CDK13: variants seen among roughly 807,000 people sequenced by gnomAD.
The protein encoded by CDK13 is cyclin dependent kinase 13.
CDK13 carries 40 observed loss-of-function variants against 137.6 expected under a neutral mutation model. The observed-to-expected ratio is 0.29, with a 90% CI of 0.23 to 0.38. The LOEUF is 0.38. CDK13 is among the 10% of genes least tolerant of loss of function. CDK13 has a pLI of 1.00. For missense variants in CDK13, 1,704 were observed against 1,951.8 expected, an observed-to-expected ratio of 0.87 and a Z score of 2.39; for synonymous variants, 869 against 760.1, an observed-to-expected ratio of 1.14 and a Z score of -2.36.
intron 5 of CDK13, among the ~76,000 whole-genome samples, chr7:40,016,636 A>G (rs2116383608): frequency 6.6e-6 from 1 of 152,312 alleles, no homozygotes; most frequent in Non-Finnish European, 1.5e-5. Context: ...GAACTGTGGC[A>G]TAACTTTTAA....
intron 5 of CDK13, among the ~76,000 whole-genome samples, chr7:40,030,261 G>GTA (rs1247848274): frequency 7.0e-6 from 1 of 143,320 alleles, no homozygotes; most frequent in Admixed American, 6.7e-5. Flanking sequence ...ATGTGTGTGT[G>GTA]TATATATATA....
chr7:40,016,433 A>G (rs969402221), intron 5 of CDK13, among the ~76,000 whole-genome samples: 1 of 152,186 alleles, frequency 6.6e-6, no homozygotes, highest in Non-Finnish European at 1.5e-5. Flanking sequence ...ACTAGATGTC[A>G]CTGTTACTAT....
rs138830961 is a variant in CDK13, at chr7:40,076,249, A to G, written c.2781-1756A>G. On this transcript the variant is annotated intron_variant, in intron 9 of 13. Transcript: ENST00000181839. ...TACAAAAACAAGAAATAGAAAAGAGACCTGTAAACAACTAAAATACAGAGC... is the reference window on the plus strand; with the variant it reads ...TACAAAAACAAGAAATAGAAAAGAGGCCTGTAAACAACTAAAATACAGAGC... 5.6e-4 allele frequency among the ~76,000 whole-genome samples: 85 copies of G among 152,332 alleles called. 1 individual carries two copies. Among genetic ancestry groups the G allele is most frequent in the African/African-American group, 2.0e-3 (82 of 41,580 alleles).
chr7:40,020,704 T>C (rs944717678), intron 5 of CDK13, among the ~76,000 whole-genome samples: 1 of 152,232 alleles, frequency 6.6e-6, no homozygotes, highest in African/African-American at 2.4e-5. Context: ...ATAAATATGC[T>C]TTTAATGGTA....
intron 2 of CDK13, among the ~76,000 whole-genome samples, chr7:39,995,860 A>T (rs983348667): frequency 1.3e-5 from 2 of 152,076 alleles, no homozygotes; most frequent in Admixed American, 1.3e-4. Flanking sequence ...ATACAAAAAA[A>T]TTAGCCGGGC....
intron 5 of CDK13, among the ~76,000 whole-genome samples, chr7:40,017,839 G>C (rs1785033696): frequency 6.6e-6 from 1 of 151,272 alleles, no homozygotes; most frequent in Non-Finnish European, 1.5e-5. Flanking sequence ...TTCTATTATA[G>C]TTTGAAAAAG....
At chr7:40,046,462 T>C (rs1187736214) in intron 6 of CDK13, among the ~76,000 whole-genome samples, 1 of 147,114 alleles carries the variant, frequency 6.8e-6, no homozygotes, top group African/African-American at 2.5e-5. Flanking sequence ...TGGCCAACGT[T>C]GATGAAACCC....
At position 39,997,634 on chromosome 7, in the gene CDK13, C is replaced by T; in HGVS notation, c.2012C>T (p.Ala671Val). Residue 671 changes from alanine to valine, a missense_variant, in exon 3 of 14, where the codon GCA (alanine) becomes GTA (valine). Physicochemically the swap from Ala to Val is moderately conservative, Grantham distance 64. This residue lies in a region of CDK13 where 1,051 missense variants were observed against 931.0 expected (regional missense o/e 1.13). Transcript: ENST00000181839. ...AAGAGTCCAGAGGAAAAGAAAACAGCAACACAGTTACATAGTAAAAGGAGG... is the reference window on the plus strand; with the variant it reads ...AAGAGTCCAGAGGAAAAGAAAACAGTAACACAGTTACATAGTAAAAGGAGG... ...LSKSPEEKKT[A>V]TQLHSKRRPK... is the part of the protein sequence containing the mutation. 1.9e-6 allele frequency: 3 copies of T among 1,613,648 alleles called. No individual in the cohort carries two copies. The highest frequency in any genetic ancestry group is 2.5e-6 in the Non-Finnish European group (3 of 1,179,814).
chr7:40,011,170 T>C (rs1384370177), intron 5 of CDK13, among the ~76,000 whole-genome samples: 1 of 152,186 alleles, frequency 6.6e-6, no homozygotes, highest in Non-Finnish European at 1.5e-5. Flanking sequence ...TCAAAGGAGC[T>C]AGAATAACCA....
At chr7:39,961,839 A>G (rs1783743452) in intron 1 of CDK13, among the ~76,000 whole-genome samples, 1 of 150,396 alleles carries the variant, frequency 6.6e-6, no homozygotes, top group African/African-American at 2.5e-5. Context: ...TCCAGTGTCC[A>G]TGTGTTCTCA....
intron 5 of CDK13, among the ~76,000 whole-genome samples, chr7:40,043,546 G>A (rs1785661289): frequency 1.3e-5 from 2 of 152,216 alleles, no homozygotes; most frequent in Non-Finnish European, 1.5e-5. Flanking sequence ...TTATATGTGC[G>A]TGGTACCTCA....
At chr7:40,033,543 T>C (rs1426817463) in intron 5 of CDK13, among the ~76,000 whole-genome samples, 2 of 152,206 alleles carry the variant, frequency 1.3e-5, no homozygotes, top group Non-Finnish European at 2.9e-5. Flanking sequence ...TTTATCTGGC[T>C]AGGGGTTAGG....
chr7:40,067,525 C>G (rs549006825), intron 9 of CDK13: 1 of 151,574 alleles, frequency 6.6e-6, no homozygotes, highest in South Asian at 2.1e-4. Flanking sequence ...GCCTGGGTGA[C>G]AGAGTGAGAA....
intron 5 of CDK13, among the ~76,000 whole-genome samples, chr7:40,013,687 T>C (rs1784943471): frequency 1.3e-5 from 2 of 152,170 alleles, no homozygotes; most frequent in Admixed American, 1.3e-4. Flanking sequence ...AAATTCATTG[T>C]AGTGATGATG....
intron 1 of CDK13, among the ~76,000 whole-genome samples, chr7:39,969,952 T>G (rs1454957838): frequency 6.6e-6 from 1 of 152,084 alleles, no homozygotes; most frequent in Non-Finnish European, 1.5e-5. Context: ...TCCCTAACAG[T>G]AATTTCCAAG....
At chr7:39,970,492 A>T (rs1248522358) in intron 1 of CDK13, among the ~76,000 whole-genome samples, 1 of 147,314 alleles carries the variant, frequency 6.8e-6, no homozygotes. Context: ...ACGGAGTCTT[A>T]CTTCTTCGTC....
At chr7:40,005,312 C>T (rs1784775453) in intron 5 of CDK13, among the ~76,000 whole-genome samples, 1 of 147,596 alleles carries the variant, frequency 6.8e-6, no homozygotes, top group Admixed American at 6.8e-5. Context: ...TTTTTGAGAC[C>T]CAAGTCTTGC....
intron 5 of CDK13, among the ~76,000 whole-genome samples, chr7:40,044,730 G>A (rs940724905): frequency 5.3e-5 from 8 of 152,006 alleles, no homozygotes; most frequent in African/African-American, 1.9e-4. Context: ...TCTGCCTCCC[G>A]GGTTCATGCC....
chr7:40,017,361 A>C (rs1394790622), intron 5 of CDK13, among the ~76,000 whole-genome samples: 1 of 152,104 alleles, frequency 6.6e-6, no homozygotes, highest in Non-Finnish European at 1.5e-5. Context: ...TTTGTATATT[A>C]ATAGTTATAG....
Sources: gnomAD v4.1 joint callset for allele counts (sites outside exome capture counted in the v4.1 genomes callset) on GRCh38, gnomAD v4.1.1 for gene constraint, gnomAD v4.1.1 regional missense constraint, MANE v1.5 for transcripts, NCBI Gene and HGNC (gene_info 2026-07-23, HGNC 2026-07-21) for gene names.